DGKB: variants seen among roughly 807,000 people sequenced by gnomAD.
The protein encoded by DGKB is 90 kDa diacylglycerol kinase.
In DGKB, 67 loss-of-function variants were observed where a neutral mutation model predicts 114.3. The ratio of observed to expected loss-of-function variants is 0.59; its 90% CI spans 0.48 to 0.72. DGKB has a LOEUF of 0.72. Among genes scored for constraint, DGKB ranks in the 30% least tolerant of loss-of-function variants. DGKB has a pLI of 0.00. For missense variants in DGKB, 907 were observed against 975.2 expected, an observed-to-expected ratio of 0.93 and a Z score of 0.93; for synonymous variants, 398 against 323.1, an observed-to-expected ratio of 1.23 and a Z score of -2.49.
chr7:14,659,483 T>G (rs1176250853), intron 13 of DGKB, among the ~76,000 whole-genome samples: 1 of 150,702 alleles, frequency 6.6e-6, no homozygotes, highest in Non-Finnish European at 1.5e-5. Context: ...TATTTTATTC[T>G]CCTTGAAGCA....
chr7:14,231,082 CCTTTCTTTCTTT>C (rs201778587), intron 23 of DGKB, among the ~76,000 whole-genome samples: 7,262 of 121,708 alleles, frequency 0.06, 319 homozygotes, highest in Admixed American at 0.1. Flanking sequence ...TTCTTCTTTC[CCTTTCTTTCTTT>C]CTTTCTTTCT....
intron 2 of DGKB, among the ~76,000 whole-genome samples, chr7:14,802,860 T>G (rs2128054157): frequency 6.6e-6 from 1 of 152,288 alleles, no homozygotes; most frequent in South Asian, 2.1e-4. Flanking sequence ...ACTGCATATT[T>G]ATATGTTCAC....
intron 2 of DGKB, among the ~76,000 whole-genome samples, chr7:14,795,813 A>G (rs975620461): frequency 2.6e-5 from 4 of 152,160 alleles, no homozygotes; most frequent in Admixed American, 2.6e-4. Flanking sequence ...GAAATAGAAA[A>G]TCTGTCAAAT....
At chr7:14,220,469 T>C (rs1162090049) in intron 23 of DGKB, among the ~76,000 whole-genome samples, 3 of 147,550 alleles carry the variant, frequency 2.0e-5, no homozygotes, top group African/African-American at 7.5e-5. Context: ...AATTCTATGC[T>C]ATATATATAT....
intron 21 of DGKB, among the ~76,000 whole-genome samples, chr7:14,371,608 G>A (rs1460204386): frequency 6.6e-6 from 1 of 152,062 alleles, no homozygotes; most frequent in Non-Finnish European, 1.5e-5. Context: ...CTCCCATCCT[G>A]TATGTTGTCT....
chr7:14,271,357 G>C (rs1798245535), intron 23 of DGKB, among the ~76,000 whole-genome samples: 1 of 151,982 alleles, frequency 6.6e-6, no homozygotes, highest in Non-Finnish European at 1.5e-5. Context: ...AAAAATATGA[G>C]ATGATTAGAC....
chr7:14,607,655 T>A (rs1472919476), intron 16 of DGKB, 147 bp from the exon 17 acceptor site: 1 of 336,026 alleles, frequency 3.0e-6, no homozygotes, highest in Non-Finnish European at 5.4e-6. Flanking sequence ...AAATTTTGAA[T>A]CAATATCAGA....
At chr7:14,374,470 A>G (rs1484741305) in intron 21 of DGKB, among the ~76,000 whole-genome samples, 1 of 152,164 alleles carries the variant, frequency 6.6e-6, no homozygotes, top group African/African-American at 2.4e-5. Context: ...TTCCATTAGA[A>G]TCATTTGCAA....
chr7:14,284,173 A>G lies in DGKB; in HGVS notation c.2122+54342T>C, dbSNP rs1300469918. Among the ~76,000 whole-genome samples, 180 of 151,950 alleles carry G rather than the reference A, an allele frequency of 1.2e-3. 1 individual carries two copies. The highest frequency in any genetic ancestry group is 4.2e-3 in the African/African-American group (174 of 41,208). On this transcript the variant is annotated intron_variant, in intron 23 of 25. Transcript: ENST00000402815. ...GAACTCAAACAAATTTACAAGAAAA[A>G]AACAACCTCATCAAAAAGTGGGCGA...
At chr7:14,296,150 G>A (rs55853726) in intron 23 of DGKB, among the ~76,000 whole-genome samples, 1 of 151,408 alleles carries the variant, frequency 6.6e-6, no homozygotes, top group African/African-American at 2.4e-5. Context: ...TCCTGCCTCA[G>A]ACTCCTGAGT....
At chr7:14,877,874 T>G (rs1274403238) in intron 1 of DGKB, among the ~76,000 whole-genome samples, 1 of 152,224 alleles carries the variant, frequency 6.6e-6, no homozygotes, top group Non-Finnish European at 1.5e-5. Context: ...ATAGAAAAAT[T>G]AAATCAAACT....
chr7:14,264,004 G>A (rs997190397), intron 23 of DGKB, among the ~76,000 whole-genome samples: 3 of 152,082 alleles, frequency 2.0e-5, no homozygotes, highest in African/African-American at 7.2e-5. Context: ...AATAGGGAGA[G>A]CCTCTGTGGT....
At chr7:14,876,520 T>TG (rs1213351457) in intron 1 of DGKB, among the ~76,000 whole-genome samples, 2 of 152,244 alleles carry the variant, frequency 1.3e-5, no homozygotes, top group East Asian at 3.9e-4. Flanking sequence ...AGCATCAACT[T>TG]GGTTACTGAT....
intron 6 of DGKB, among the ~76,000 whole-genome samples, chr7:14,704,554 G>T (rs768423357): frequency 2.6e-5 from 4 of 152,024 alleles, no homozygotes; most frequent in Non-Finnish European, 4.4e-5. Context: ...CAGAAGACGG[G>T]TGATTTCTGC....
intron 23 of DGKB, among the ~76,000 whole-genome samples, chr7:14,336,115 T>C (rs1208722220): frequency 6.6e-6 from 1 of 152,232 alleles, no homozygotes; most frequent in East Asian, 1.9e-4. Context: ...AGGAAAGGGA[T>C]AAATGTAACT....
chr7:14,962,853 G>A (rs1786937433), intron 1 of DGKB, among the ~76,000 whole-genome samples: 1 of 152,022 alleles, frequency 6.6e-6, no homozygotes, highest in South Asian at 2.1e-4. Context: ...TCTACCAGTT[G>A]CAAGTGACAG....
intron 23 of DGKB, among the ~76,000 whole-genome samples, chr7:14,271,510 C>T (rs145954429): frequency 3.9e-5 from 6 of 152,278 alleles, no homozygotes; most frequent in East Asian, 1.9e-4. Context: ...GCACAGAGGC[C>T]GCAAAGCCTC....
At chr7:14,402,757 A>G (rs1024518986) in intron 21 of DGKB, among the ~76,000 whole-genome samples, 1 of 151,894 alleles carries the variant, frequency 6.6e-6, no homozygotes, top group Admixed American at 6.6e-5. Flanking sequence ...GATGTTTTAT[A>G]GATATGATTA....
rs560789149 is a variant in DGKB at position 14,421,310 on chromosome 7, T to C, written c.1835+56851A>G. Among the ~76,000 whole-genome samples the C allele has an allele frequency of 4.6e-5, 7 of 152,212 alleles. No homozygotes were observed. The South Asian group carries it at 1.5e-3, about 32-fold the overall frequency. ...GCATGCTGTTCAAATCCTTGTTCAA[T>C]ACATCAAGAGCCTAGATGACTCACG... On this transcript the variant is annotated intron_variant, in intron 21 of 25. Coordinates refer to ENST00000402815, the MANE Select transcript of DGKB (RefSeq NM_001350709.2).
Sources: gnomAD v4.1 joint callset for allele counts (sites outside exome capture counted in the v4.1 genomes callset) on GRCh38, gnomAD v4.1.1 for gene constraint, MANE v1.5 for transcripts, NCBI Gene and HGNC (gene_info 2026-07-23, HGNC 2026-07-21) for gene names.